The following XYLT1 variants were observed in gnomAD, a reference collection of about 807,000 sequenced individuals.
The protein encoded by XYLT1 is xylosyltransferase 1.
In XYLT1, 36 loss-of-function variants were observed where a neutral mutation model predicts 91.3. The observed-to-expected ratio is 0.39, with a 90% CI of 0.30 to 0.52. The LOEUF is 0.52. Among genes scored for constraint, XYLT1 ranks in the 20% least tolerant of loss-of-function variants. The pLI, the probability that XYLT1 is intolerant of heterozygous loss-of-function variation, is 0.68. For missense variants in XYLT1, 1,242 were observed against 1,284.5 expected (o/e 0.97, Z 0.51); for synonymous variants, 588 against 532.0 (o/e 1.11, Z -1.45).
chr16:17,152,966 C>T (rs2031316268), intron 6 of XYLT1, among the ~76,000 whole-genome samples: 1 of 152,138 alleles, frequency 6.6e-6, no homozygotes, highest in Non-Finnish European at 1.5e-5. Flanking sequence ...ATCACATGCC[C>T]ACTTATAAAG....
rs925408878 is a variant in XYLT1 at position 17,404,133 on chromosome 16, C to G, written c.364-46083G>C. On this transcript the variant is annotated intron_variant, in intron 1 of 11. Coordinates refer to ENST00000261381, the MANE Select transcript of XYLT1 (RefSeq NM_022166.4). ...GGGCTCAGGGAGGAGGTGTGACAAG[C>G]CTGAGTGACCCAGGAGGGACTCAGG... Among the ~76,000 whole-genome samples, 46 of 152,148 alleles carry G rather than the reference C, an allele frequency of 3.0e-4. 1 individual carries two copies. Among genetic ancestry groups the G allele is most frequent in the African/African-American group, 1.1e-3 (45 of 41,508 alleles).
intron 4 of XYLT1, among the ~76,000 whole-genome samples, chr16:17,199,679 T>C (rs150972722): frequency 6.6e-6 from 1 of 152,272 alleles, no homozygotes; most frequent in Non-Finnish European, 1.5e-5. Context: ...CCGGGAAACT[T>C]CTTTTGCTTG....
intron 6 of XYLT1, among the ~76,000 whole-genome samples, chr16:17,147,963 A>T (rs1285054728): frequency 6.6e-6 from 1 of 152,196 alleles, no homozygotes; most frequent in East Asian, 1.9e-4. Flanking sequence ...CTTCCTTTTC[A>T]TTTCCCATTG....
intron 2 of XYLT1, among the ~76,000 whole-genome samples, chr16:17,332,567 T>TACACATACACACACAC (rs1233628545): frequency 7.3e-6 from 1 of 137,902 alleles, no homozygotes; most frequent in African/African-American, 2.7e-5. Context: ...ATCACACACA[T>TACACATACACACACAC]ACACACACAC....
intron 1 of XYLT1, among the ~76,000 whole-genome samples, chr16:17,371,567 A>T (rs1002609913): frequency 1.3e-5 from 2 of 152,196 alleles, no homozygotes; most frequent in African/African-American, 2.4e-5. Flanking sequence ...TCTTTATAGG[A>T]TATGTAGCAT....
intron 3 of XYLT1, among the ~76,000 whole-genome samples, chr16:17,245,318 C>T (rs184716901): frequency 5.3e-5 from 8 of 152,300 alleles, no homozygotes; most frequent in East Asian, 3.9e-4. Flanking sequence ...CAAATATCAC[C>T]GGGGACTGGC....
intron 2 of XYLT1, among the ~76,000 whole-genome samples, chr16:17,334,849 T>C (rs1034805693): frequency 3.3e-5 from 5 of 150,862 alleles, no homozygotes; most frequent in African/African-American, 4.9e-5. Context: ...CACCACTGCA[T>C]TCCAGCCTGG....
chr16:17,389,558 G>A (rs2035789523), intron 1 of XYLT1, among the ~76,000 whole-genome samples: 1 of 152,194 alleles, frequency 6.6e-6, no homozygotes, highest in Non-Finnish European at 1.5e-5. Context: ...AGCCAGCCAG[G>A]CATAGAACAC....
intron 1 of XYLT1, among the ~76,000 whole-genome samples, chr16:17,429,053 A>C (rs1194357644): frequency 2.0e-5 from 3 of 152,170 alleles, no homozygotes; most frequent in Admixed American, 2.0e-4. Flanking sequence ...TGGGAGCCCA[A>C]TTTCTTTAAG....
intron 6 of XYLT1, among the ~76,000 whole-genome samples, chr16:17,156,404 G>A (rs1168690093): frequency 1.3e-5 from 2 of 152,216 alleles, no homozygotes; most frequent in African/African-American, 4.8e-5. Flanking sequence ...ACCTGGAGAA[G>A]AAGAAGGGTT....
chr16:17,262,206 A>G (rs1006609716), intron 2 of XYLT1, among the ~76,000 whole-genome samples: 5 of 152,204 alleles, frequency 3.3e-5, no homozygotes, highest in African/African-American at 1.2e-4. Flanking sequence ...ATTCTTCACT[A>G]TGGATCACGT....
At chr16:17,453,933 C>G (rs1430747249) in intron 1 of XYLT1, among the ~76,000 whole-genome samples, 1 of 152,140 alleles carries the variant, frequency 6.6e-6, no homozygotes, top group Non-Finnish European at 1.5e-5. Flanking sequence ...GGCTTGTTCC[C>G]AACAGCCTAG....
intron 3 of XYLT1, among the ~76,000 whole-genome samples, chr16:17,226,213 TCTG>T (rs2033063096): frequency 6.6e-6 from 1 of 152,202 alleles, no homozygotes; most frequent in Admixed American, 6.5e-5. Context: ...GGCAGCACCT[TCTG>T]AATGTATTTG....
At position 17,134,480 on chromosome 16, in the gene XYLT1, T is replaced by A. The variant is rs200073557; in HGVS notation, c.2020A>T (p.Ser674Cys). Reference sequence around the variant, plus strand: ...ATCCCATATAGGGCTCACCGGCAGCTGTTCTCCCCATCCGTGTGCAGGGAC... The same window carrying A: ...ATCCCATATAGGGCTCACCGGCAGCAGTTCTCCCCATCCGTGTGCAGGGAC... ...ETSLHTDGEN[S>C]CRYYPMGHPA... is the part of the protein sequence containing the mutation. The change falls in exon 9 of 12, where the codon AGC becomes TGC. Residue 674 changes from serine (S) to cysteine (C), a missense_variant. Around this residue, in one of 3 missense-constraint regions of XYLT1, gnomAD observed 511 missense variants for 497.0 expected, o/e 1.03. Transcript: ENST00000261381. The A allele has an allele frequency of 6.2e-7, 1 of 1,614,076 alleles. No homozygotes were observed. Among genetic ancestry groups the A allele is most frequent in the East Asian group, 2.2e-5 (1 of 44,878 alleles).
chr16:17,165,796 C>T (rs889784495), intron 5 of XYLT1, among the ~76,000 whole-genome samples: 1 of 152,214 alleles, frequency 6.6e-6, no homozygotes, highest in East Asian at 1.9e-4. Flanking sequence ...CCATTGAACA[C>T]CCTTGAATAA....
intron 9 of XYLT1, among the ~76,000 whole-genome samples, chr16:17,131,868 C>G (rs2030494535): frequency 6.6e-6 from 1 of 152,114 alleles, no homozygotes; most frequent in African/African-American, 2.4e-5. Flanking sequence ...GGATAAGGGT[C>G]TTTTGTCCTG....
intron 1 of XYLT1, among the ~76,000 whole-genome samples, chr16:17,415,962 A>C (rs2036175023): frequency 6.6e-6 from 1 of 152,236 alleles, no homozygotes; most frequent in Non-Finnish European, 1.5e-5. Context: ...CAAATGGGAC[A>C]GGACTGGATA....
chr16:17,469,814 G>A (rs1244106577), intron 1 of XYLT1, among the ~76,000 whole-genome samples: 1 of 152,144 alleles, frequency 6.6e-6, no homozygotes, highest in Admixed American at 6.5e-5. Context: ...GAGACGGCAA[G>A]GTTAGAGACA....
At chr16:17,162,751 T>G (rs996169659) in intron 5 of XYLT1, among the ~76,000 whole-genome samples, 2 of 152,216 alleles carry the variant, frequency 1.3e-5, no homozygotes, top group African/African-American at 2.4e-5. Context: ...CAATATCTAT[T>G]GAGCAAAAAT....
Sources: gnomAD v4.1 joint callset for allele counts (sites outside exome capture counted in the v4.1 genomes callset) on GRCh38, gnomAD v4.1.1 for gene constraint, gnomAD v4.1.1 regional missense constraint, MANE v1.5 for transcripts, NCBI Gene and HGNC (gene_info 2026-07-23, HGNC 2026-07-21) for gene names.